Variants in PKN2 observed in about 807,000 individuals in gnomAD.
PKN2 encodes the protein serine/threonine-protein kinase N2.
PKN2 carries 38 observed loss-of-function variants against 119.1 expected under a neutral mutation model. The ratio of observed to expected loss-of-function variants is 0.32; its 90% CI spans 0.25 to 0.42. PKN2 has a LOEUF of 0.42. Among genes scored for constraint, PKN2 ranks in the 10% least tolerant of loss-of-function variants. The pLI, the probability that PKN2 is intolerant of heterozygous loss-of-function variation, is 1.00. For missense variants in PKN2, 850 were observed against 1,165.1 expected (o/e 0.73, Z 3.94); for synonymous variants, 390 against 384.9 (o/e 1.01, Z -0.15).
chr1:88,742,933 A>G (rs1668632120), intron 2 of PKN2, among the ~76,000 whole-genome samples: 2 of 152,122 alleles, frequency 1.3e-5, no homozygotes, highest in South Asian at 4.1e-4. Context: ...GCTCGTGCCT[A>G]TAATCCTAGC....
rs1343181478 is a variant in PKN2, at chr1:88,820,198, A to G, written c.2280-1743A>G. On this transcript the variant is annotated intron_variant, in intron 16 of 21. Transcript: ENST00000370521. The stretch of plus-strand genomic sequence containing the variant: ...CAGAAACCTATATATATATATATAT[A>G]TATATATATATATATATATATATAT... 1.1e-4 allele frequency among the ~76,000 whole-genome samples: 5 copies of G among 43,932 alleles called. No homozygotes were observed. In the East Asian group the frequency reaches 2.6e-3, roughly 23 times the overall value. 28.8% of individuals were successfully genotyped at this position (43,932 alleles called of 152,430 possible).
chr1:88,771,933 C>G, intron 6 of PKN2, 54 bp downstream of exon 6: 1 of 1,178,508 alleles, frequency 8.5e-7, no homozygotes, highest in Non-Finnish European at 1.2e-6. Context: ...ATAACTGGTT[C>G]TGATTTAATA....
intron 16 of PKN2, among the ~76,000 whole-genome samples, chr1:88,820,234 A>ATATATATG (rs1672215830): frequency 1.9e-5 from 2 of 104,230 alleles, no homozygotes; most frequent in Admixed American, 9.0e-5. Flanking sequence ...ATATATATAT[A>ATATATATG]AATAGAAAAA....
intron 1 of PKN2, among the ~76,000 whole-genome samples, chr1:88,713,686 T>C (rs1667331791): frequency 2.0e-5 from 3 of 152,244 alleles, no homozygotes; most frequent in Admixed American, 2.0e-4. Context: ...TAGCCCTTTG[T>C]CGGATGAATA....
At chr1:88,757,276 TTAAC>T (rs1421891605) in intron 2 of PKN2, among the ~76,000 whole-genome samples, 1 of 152,220 alleles carries the variant, frequency 6.6e-6, no homozygotes, top group Admixed American at 6.5e-5. Flanking sequence ...GCAGATATCA[TTAAC>T]TAAAGCACTA....
intron 1 of PKN2, among the ~76,000 whole-genome samples, chr1:88,690,894 A>C (rs551002919): frequency 5.9e-5 from 9 of 152,184 alleles, no homozygotes; most frequent in African/African-American, 1.9e-4. Flanking sequence ...GTTAGGATTT[A>C]TCTCTTTTAG....
intron 18 of PKN2, among the ~76,000 whole-genome samples, chr1:88,826,047 C>T (rs1224806507): frequency 6.6e-6 from 1 of 152,168 alleles, no homozygotes; most frequent in African/African-American, 2.4e-5. Context: ...CTTTTACTAC[C>T]CCAACTCCCA....
intron 1 of PKN2, among the ~76,000 whole-genome samples, chr1:88,704,536 G>C (rs1346882152): frequency 2.0e-5 from 3 of 152,086 alleles, no homozygotes; most frequent in Non-Finnish European, 1.5e-5. Flanking sequence ...CATATAGCAG[G>C]TGCATGTTTT....
At position 88,717,200 on chromosome 1, in the gene PKN2, T is replaced by C. The variant is rs543864083; in HGVS notation, c.49-23788T>C. 4.7e-4 allele frequency among the ~76,000 whole-genome samples: 71 copies of C among 152,234 alleles called. 1 individual carries two copies. The highest frequency in any genetic ancestry group is 1.3e-3 in the African/African-American group (53 of 41,544). ...GATGGGCTTCCCTTTGTGGGTAACC[T>C]GACCTTTCTCTCTGGCTGCCCTTAA... is the stretch of plus-strand genomic sequence containing the variant. On this transcript the variant is annotated intron_variant, in intron 1 of 21. Transcript: ENST00000370521.
At chr1:88,715,542 A>G (rs1667412877) in intron 1 of PKN2, among the ~76,000 whole-genome samples, 1 of 152,124 alleles carries the variant, frequency 6.6e-6, no homozygotes, top group Non-Finnish European at 1.5e-5. Context: ...TAGAATTTCT[A>G]GTTCATTTGC....
intron 19 of PKN2, 100 bp downstream of exon 19, chr1:88,828,723 G>A: frequency 4.2e-6 from 4 of 949,266 alleles, no homozygotes; most frequent in Non-Finnish European, 6.2e-6. Flanking sequence ...AGTATGAGTG[G>A]AATTTAAGTT....
At chr1:88,751,371 T>TACACACACAC (rs1433658275) in intron 2 of PKN2, among the ~76,000 whole-genome samples, 3 of 144,440 alleles carry the variant, frequency 2.1e-5, no homozygotes, top group African/African-American at 8.5e-5. Context: ...ATTATATATT[T>TACACACACAC]ACACATACAC....
chr1:88,791,269 C>G (rs1670825093), intron 8 of PKN2, among the ~76,000 whole-genome samples: 1 of 152,060 alleles, frequency 6.6e-6, no homozygotes, highest in Non-Finnish European at 1.5e-5. Flanking sequence ...AACCCTGTCT[C>G]TACTGAAAAT....
intron 3 of PKN2, among the ~76,000 whole-genome samples, chr1:88,769,817 A>C (rs1479270331): frequency 6.6e-6 from 1 of 152,192 alleles, no homozygotes; most frequent in African/African-American, 2.4e-5. Flanking sequence ...GAGGAAGAAG[A>C]AATGGGGAGA....
intron 1 of PKN2, among the ~76,000 whole-genome samples, chr1:88,696,206 T>G (rs1666537184): frequency 6.6e-6 from 1 of 152,208 alleles, no homozygotes; most frequent in African/African-American, 2.4e-5. Flanking sequence ...TCCCATTAAT[T>G]TATCCTTCAG....
At chr1:88,753,528 A>T (rs1215130045) in intron 2 of PKN2, among the ~76,000 whole-genome samples, 1 of 152,118 alleles carries the variant, frequency 6.6e-6, no homozygotes, top group East Asian at 1.9e-4. Flanking sequence ...TTTATAAAGA[A>T]AAGAGCTTTA....
intron 6 of PKN2, among the ~76,000 whole-genome samples, chr1:88,783,887 C>A (rs1442421195): frequency 6.6e-6 from 1 of 152,094 alleles, no homozygotes; most frequent in African/African-American, 2.4e-5. Flanking sequence ...CATTTTACAT[C>A]AAATAGAACA....
At chr1:88,688,712 A>G (rs759305250) in intron 1 of PKN2, among the ~76,000 whole-genome samples, 5 of 152,170 alleles carry the variant, frequency 3.3e-5, no homozygotes, top group Non-Finnish European at 5.9e-5. Flanking sequence ...AAAACTTCCC[A>G]AAAGATTTAA....
At chr1:88,756,210 C>T (rs1669194398) in intron 2 of PKN2, among the ~76,000 whole-genome samples, 1 of 152,088 alleles carries the variant, frequency 6.6e-6, no homozygotes, top group Admixed American at 6.6e-5. Flanking sequence ...ATTTCAATAT[C>T]TTAGTACAAC....
Sources: allele counts gnomAD v4.1 joint callset (sites outside exome capture counted in the v4.1 genomes callset), GRCh38; gene constraint gnomAD v4.1.1; transcripts MANE v1.5; gene names NCBI Gene and HGNC (gene_info 2026-07-23, HGNC 2026-07-21).